GPR158: variants seen among roughly 807,000 people sequenced by gnomAD.
The protein encoded by GPR158 is metabotropic glycine receptor.
A neutral mutation model predicts 78.2 loss-of-function variants in GPR158; 30 were observed. The ratio of observed to expected loss-of-function variants is 0.38; its 90% confidence interval spans 0.29 to 0.52. The LOEUF (loss-of-function observed/expected upper bound fraction) is 0.52. GPR158 is among the 20% of genes least tolerant of loss of function. The pLI is 0.83. For synonymous variants in GPR158, 581 were observed against 591.1 expected, an observed-to-expected ratio of 0.98 and a Z score of 0.25; for missense variants, 1,463 against 1,523.5, an observed-to-expected ratio of 0.96 and a Z score of 0.66.
At chr10:25,213,705 A>G (rs1369993840) in intron 1 of GPR158, among the ~76,000 whole-genome samples, 1 of 152,142 alleles carries the variant, frequency 6.6e-6, no homozygotes, top group Non-Finnish European at 1.5e-5. Flanking sequence ...TAGAATTCGT[A>G]TATAAAGCCA....
At chr10:25,354,434 GA>G (rs547728629) in intron 2 of GPR158, among the ~76,000 whole-genome samples, 1 of 151,198 alleles carries the variant, frequency 6.6e-6, no homozygotes, top group Admixed American at 6.6e-5. Flanking sequence ...AGAAAAAAAT[GA>G]AAAAAACTCT....
chr10:25,572,209 A>G (rs895142815), intron 6 of GPR158, among the ~76,000 whole-genome samples: 3 of 152,226 alleles, frequency 2.0e-5, no homozygotes, highest in East Asian at 3.9e-4. Context: ...AAGACATCCC[A>G]TTGTATATGA....
intron 2 of GPR158, among the ~76,000 whole-genome samples, chr10:25,228,627 A>G (rs548830170): frequency 5.9e-5 from 9 of 152,322 alleles, no homozygotes; most frequent in African/African-American, 1.7e-4. Flanking sequence ...TCTGGCATGT[A>G]TGGAGTAGAT....
At chr10:25,335,706 T>C (rs2130498154) in intron 2 of GPR158, among the ~76,000 whole-genome samples, 1 of 152,186 alleles carries the variant, frequency 6.6e-6, no homozygotes, top group Non-Finnish European at 1.5e-5. Flanking sequence ...GTTTATAGTT[T>C]ATGGCAAATA....
intron 5 of GPR158, among the ~76,000 whole-genome samples, chr10:25,540,254 T>C (rs897619306): frequency 2.0e-5 from 3 of 152,250 alleles, no homozygotes; most frequent in Middle Eastern, 3.4e-3. Context: ...TACCATCTCA[T>C]ACCAGTTAGA....
rs562572949 is a variant in GPR158 at position 25,220,938 on chromosome 10, A to G, written c.903-114A>G. On this transcript the variant is annotated intron_variant, in intron 1 of 10. Transcript: ENST00000376351. ...CACTTTGGTTGAATATGAGTAGGCA[A>G]TTTGACAATTTTTGGCATGTTCTTT... The G allele has an allele frequency of 2.5e-5, 16 of 649,600 alleles. No individual in the cohort carries two copies. The African/African-American group carries it at 2.6e-4, about 10-fold the overall frequency. The allele number at this position is 649,600 out of a possible 1,614,324, so 40.2% of individuals were successfully genotyped here.
At chr10:25,396,788 AAAAAAT>A (rs1452834266) in intron 3 of GPR158, among the ~76,000 whole-genome samples, 4 of 152,226 alleles carry the variant, frequency 2.6e-5, no homozygotes, top group Non-Finnish European at 5.9e-5. Context: ...TTATAGTTTC[AAAAAAT>A]AAAAATAAAA....
chr10:25,224,572 TATG>T (rs1213249316), intron 2 of GPR158, among the ~76,000 whole-genome samples: 1 of 151,974 alleles, frequency 6.6e-6, no homozygotes, highest in African/African-American at 2.4e-5. Context: ...GTGAGACTGT[TATG>T]ATTATGTCAC....
intron 5 of GPR158, among the ~76,000 whole-genome samples, chr10:25,500,596 C>G (rs1049920218): frequency 2.0e-5 from 3 of 152,206 alleles, no homozygotes; most frequent in African/African-American, 4.8e-5. Context: ...TCAATCTTCA[C>G]TAAATGATCA....
chr10:25,459,901 C>T (rs1291410431), intron 4 of GPR158, among the ~76,000 whole-genome samples: 1 of 152,070 alleles, frequency 6.6e-6, no homozygotes, highest in Non-Finnish European at 1.5e-5. Context: ...TGAAAGTTTA[C>T]AAAGTGGGGA....
intron 5 of GPR158, among the ~76,000 whole-genome samples, chr10:25,538,472 C>T (rs1249775179): frequency 6.6e-6 from 1 of 152,054 alleles, no homozygotes; most frequent in African/African-American, 2.4e-5. Flanking sequence ...CATATATATA[C>T]ACACAAATGT....
At chr10:25,303,244 T>C (rs1854625066) in intron 2 of GPR158, among the ~76,000 whole-genome samples, 1 of 152,240 alleles carries the variant, frequency 6.6e-6, no homozygotes, top group East Asian at 1.9e-4. Context: ...AATTCTGTTC[T>C]TTAGCTGCAC....
intron 5 of GPR158, among the ~76,000 whole-genome samples, chr10:25,525,758 A>G (rs1836338284): frequency 6.6e-6 from 1 of 152,186 alleles, no homozygotes; most frequent in South Asian, 2.1e-4. Context: ...CTCTGTGACT[A>G]TACTTCAAAT....
intron 6 of GPR158, among the ~76,000 whole-genome samples, chr10:25,565,622 T>C (rs1836919115): frequency 1.3e-5 from 2 of 151,990 alleles, no homozygotes; most frequent in Non-Finnish European, 2.9e-5. Context: ...GATAGGAGTT[T>C]TGAGATGATT....
intron 6 of GPR158, among the ~76,000 whole-genome samples, chr10:25,565,314 G>C (rs1836914964): frequency 3.3e-5 from 5 of 152,172 alleles, no homozygotes; most frequent in Non-Finnish European, 5.9e-5. Context: ...GATAATTGGA[G>C]AAAATTTTGT....
intron 5 of GPR158, among the ~76,000 whole-genome samples, chr10:25,538,589 C>T (rs995263076): frequency 5.3e-5 from 8 of 152,222 alleles, no homozygotes; most frequent in Non-Finnish European, 5.9e-5. Flanking sequence ...AACTCCTGGC[C>T]GTAAGTGATC....
chr10:25,414,031 GGTCT>G (rs1249870335), intron 4 of GPR158, among the ~76,000 whole-genome samples: 1 of 151,742 alleles, frequency 6.6e-6, no homozygotes, highest in Non-Finnish European at 1.5e-5. Flanking sequence ...AGAATTGAAA[GGTCT>G]GTCTAACAAA....
intron 4 of GPR158, 79 bp downstream of exon 4, chr10:25,412,552 T>A: frequency 3.2e-6 from 3 of 925,230 alleles, no homozygotes; most frequent in Middle Eastern, 3.3e-4. Flanking sequence ...ATTTTCCAAT[T>A]CAAGTTGCTT....
chr10:25,563,570 C>G (rs1836886258), intron 6 of GPR158, among the ~76,000 whole-genome samples: 2 of 152,048 alleles, frequency 1.3e-5, no homozygotes, highest in Admixed American at 6.6e-5. Flanking sequence ...TGATTCCCTT[C>G]TTGTTTATTT....
Sources: gnomAD v4.1 joint callset for allele counts (sites outside exome capture counted in the v4.1 genomes callset) on GRCh38, gnomAD v4.1.1 for gene constraint, MANE v1.5 for transcripts, NCBI Gene and HGNC (gene_info 2026-07-23, HGNC 2026-07-21) for gene names.